The following DYRK1A variants were observed in gnomAD, a reference collection of about 807,000 sequenced individuals.
DYRK1A encodes the protein dual specificity tyrosine-phosphorylation-regulated kinase 1A.
Under a neutral mutation model 79.7 loss-of-function variants are expected in DYRK1A, and 9 were observed. The ratio of observed to expected loss-of-function variants is 0.11; its 90% CI spans 0.07 to 0.20. DYRK1A has a LOEUF of 0.20. DYRK1A is among the 10% of genes least tolerant of loss of function. The pLI, the probability that DYRK1A is intolerant of heterozygous loss-of-function variation, is 1.00. For synonymous variants in DYRK1A, 349 were observed against 329.7 expected (o/e 1.06, Z -0.63); for missense variants, 622 against 956.0 (o/e 0.65, Z 4.61).
intron 5 of DYRK1A, among the ~76,000 whole-genome samples, chr21:37,484,167 A>C (rs1424071515): frequency 6.6e-6 from 1 of 152,080 alleles, no homozygotes; most frequent in Admixed American, 6.6e-5. Context: ...ATGAAAATCT[A>C]ATGCCTAATG....
chr21:37,371,814 A>G (rs2049436478), intron 1 of DYRK1A, among the ~76,000 whole-genome samples: 1 of 152,150 alleles, frequency 6.6e-6, no homozygotes, highest in Non-Finnish European at 1.5e-5. Flanking sequence ...GAACTGGCTT[A>G]ACATAGAATG....
At chr21:37,437,650 CTTTT>C (rs946051911) in intron 2 of DYRK1A, among the ~76,000 whole-genome samples, 2 of 152,032 alleles carry the variant, frequency 1.3e-5, no homozygotes, top group African/African-American at 2.4e-5. Context: ...GGTTTTAGTT[CTTTT>C]GAGAGTCATA....
intron 2 of DYRK1A, among the ~76,000 whole-genome samples, chr21:37,457,484 G>T (rs185738020): frequency 7.0e-4 from 106 of 152,280 alleles, no homozygotes; most frequent in African/African-American, 2.2e-3. Context: ...TGATCCGCCT[G>T]CCTCAGCCTC....
At position 37,518,475 on chromosome 21, in the gene DYRK1A, C is replaced by T. The variant is rs549543755; in HGVS notation, c.*5944C>T. 7 of 152,320 alleles carry T rather than the reference C, an allele frequency of 4.6e-5. No homozygotes were observed. Among genetic ancestry groups the T allele is most frequent in the African/African-American group, 1.4e-4 (6 of 41,550 alleles). The allele number at this position is 152,320 out of a possible 1,614,324, so 9.4% of individuals were successfully genotyped here. A position where few individuals can be genotyped will look rare whatever the true frequency, so the allele number is the denominator to read the frequency against. ...AAACCACGGATGACCATCACACTAG[C>T]AGGATTTTAGATTCAGAGTTGGGGT... On this transcript the variant is annotated 3_prime_UTR_variant, in exon 12 of 12. Coordinates refer to ENST00000647188, the MANE Select transcript of DYRK1A (RefSeq NM_001347721.2).
At chr21:37,416,177 A>G (rs1479294332) in intron 1 of DYRK1A, among the ~76,000 whole-genome samples, 3 of 152,156 alleles carry the variant, frequency 2.0e-5, no homozygotes, top group Non-Finnish European at 4.4e-5. Context: ...CAGGAGGTCA[A>G]ATGTGTCAAC....
chr21:37,478,261 T>C lies in DYRK1A; in HGVS notation c.261T>C (p.Leu87=), dbSNP rs1049766. Residue 87 remains leucine (L), a synonymous_variant, in exon 4 of 12, where the codon CTT becomes CTC. Transcript: ENST00000647188. ...RDPATAPLRK[L]SVDLIKTYKH... is the part of the protein sequence containing the mutation. ...CAGCAACTGCTCCCCTGAGAAAACTTTCTGTTGACTTGATCAAAACATACA... is the reference window on the plus strand; with the variant it reads ...CAGCAACTGCTCCCCTGAGAAAACTCTCTGTTGACTTGATCAAAACATACA... 1.9e-6 allele frequency: 3 copies of C among 1,614,114 alleles called. No homozygotes were observed. The highest frequency in any genetic ancestry group is 1.7e-6 in the Non-Finnish European group (2 of 1,179,962).
intron 1 of DYRK1A, among the ~76,000 whole-genome samples, chr21:37,410,313 T>C (rs1471113779): frequency 1.3e-5 from 2 of 152,204 alleles, no homozygotes; most frequent in Admixed American, 1.3e-4. Flanking sequence ...ATTTTCTGTT[T>C]CTTCAGAATG....
chr21:37,403,657 A>G (rs1366590671), intron 1 of DYRK1A, among the ~76,000 whole-genome samples: 10 of 124,986 alleles, frequency 8.0e-5, no homozygotes, highest in Non-Finnish European at 1.5e-4. Flanking sequence ...AAATATATAT[A>G]TATATATGTG....
At position 37,367,951 on chromosome 21, in the gene DYRK1A, C is replaced by T. The variant is rs536659601; in HGVS notation, c.-77+323C>T. On this transcript the variant is annotated intron_variant, in intron 1 of 11. Coordinates refer to ENST00000647188, the MANE Select transcript of DYRK1A (RefSeq NM_001347721.2). ...AAGGGGTGGAGGTTGTCTTCCTCCT[C>T]CTCCTCCTCCTCTTCCTCCTCATCC... 19 of 160,962 alleles carry T rather than the reference C, an allele frequency of 1.2e-4. No individual in the cohort carries two copies. The East Asian group carries it at 1.7e-3, about 14-fold the overall frequency. The allele number at this position is 160,962 out of a possible 1,614,324, so 10.0% of individuals were successfully genotyped here. A position where few individuals can be genotyped will look rare whatever the true frequency, so the allele number is the denominator to read the frequency against.
At chr21:37,399,091 C>T (rs145445401) in intron 1 of DYRK1A, among the ~76,000 whole-genome samples, 1 of 152,146 alleles carries the variant, frequency 6.6e-6, no homozygotes, top group East Asian at 1.9e-4. Context: ...GTTATGCAGA[C>T]CATGGGCTAG....
At chr21:37,465,473 C>T (rs539806181) in intron 2 of DYRK1A, among the ~76,000 whole-genome samples, 10 of 152,246 alleles carry the variant, frequency 6.6e-5, no homozygotes, top group African/African-American at 2.2e-4. Flanking sequence ...AGTTGGAGAA[C>T]AGCTTTCTTT....
intron 1 of DYRK1A, among the ~76,000 whole-genome samples, chr21:37,387,651 T>G (rs747849857): frequency 7.2e-5 from 11 of 152,236 alleles, no homozygotes; most frequent in Non-Finnish European, 1.3e-4. Context: ...ATCTCCTGTT[T>G]CCTGGCTTTC....
At chr21:37,472,942 G>A in intron 3 of DYRK1A, 62 bp downstream of exon 3, 4 of 1,300,866 alleles carry the variant, frequency 3.1e-6, no homozygotes, top group Non-Finnish European at 4.1e-6. Flanking sequence ...AAAAATGTTG[G>A]AATACTAAGT....
chr21:37,422,347 T>C (rs904239792), intron 2 of DYRK1A, among the ~76,000 whole-genome samples: 5 of 152,202 alleles, frequency 3.3e-5, no homozygotes, highest in Non-Finnish European at 7.4e-5. Context: ...TGTAGCAGTT[T>C]GGTCTTGTAT....
At chr21:37,419,459 CATCT>C (rs1299724820) in intron 1 of DYRK1A, 1 of 152,192 alleles carries the variant, frequency 6.6e-6, no homozygotes, top group Non-Finnish European at 1.5e-5. Flanking sequence ...TGACCAGGAA[CATCT>C]CTTGGAGTCA....
intron 3 of DYRK1A, among the ~76,000 whole-genome samples, chr21:37,473,864 G>A (rs2052310879): frequency 6.6e-6 from 1 of 152,202 alleles, no homozygotes; most frequent in Non-Finnish European, 1.5e-5. Flanking sequence ...TTTCAGTTTA[G>A]TTGCGTGTTT....
chr21:37,374,839 C>T (rs866326654), intron 1 of DYRK1A, among the ~76,000 whole-genome samples: 29 of 152,358 alleles, frequency 1.9e-4, no homozygotes, highest in Middle Eastern at 3.4e-3. Flanking sequence ...AGGCTTGAGC[C>T]ACTGGGCCTA....
intron 2 of DYRK1A, among the ~76,000 whole-genome samples, chr21:37,434,240 A>G (rs1336411187): frequency 6.6e-6 from 1 of 152,196 alleles, no homozygotes; most frequent in Non-Finnish European, 1.5e-5. Context: ...GGAGACGTTT[A>G]TAGACACTCT....
At chr21:37,463,856 TTCTG>T (rs1286603564) in intron 2 of DYRK1A, among the ~76,000 whole-genome samples, 2 of 152,364 alleles carry the variant, frequency 1.3e-5, no homozygotes, top group South Asian at 2.1e-4. Flanking sequence ...TCTTAGTGGA[TTCTG>T]TCTTAGAACC....
Sources: gnomAD v4.1 joint callset for allele counts (sites outside exome capture counted in the v4.1 genomes callset) on GRCh38, gnomAD v4.1.1 for gene constraint, MANE v1.5 for transcripts, NCBI Gene and HGNC (gene_info 2026-07-23, HGNC 2026-07-21) for gene names.